The following NT5DC1 variants were observed in gnomAD, a reference collection of about 807,000 sequenced individuals.
The protein encoded by NT5DC1 is 5'-nucleotidase domain containing 1, also known as 5'-nucleotidase domain-containing protein 1.
In NT5DC1, 42 loss-of-function variants were observed where a neutral mutation model predicts 59.4. The ratio of observed to expected loss-of-function variants is 0.71; its 90% CI spans 0.55 to 0.92. NT5DC1 has a LOEUF of 0.92. Ranked by LOEUF, NT5DC1 falls within the 40% of genes least tolerant of loss-of-function variation. The pLI, the probability that NT5DC1 is intolerant of heterozygous loss-of-function variation, is 0.00. For synonymous variants in NT5DC1, 172 were observed against 188.1 expected (o/e 0.91, Z 0.70); for missense variants, 501 against 537.1 (o/e 0.93, Z 0.66).
At chr6:116,150,920 T>C (rs902045237) in intron 6 of NT5DC1, among the ~76,000 whole-genome samples, 1 of 152,222 alleles carries the variant, frequency 6.6e-6, no homozygotes, top group African/African-American at 2.4e-5. Context: ...TTAGGTACTA[T>C]GATTGACATT....
intron 6 of NT5DC1, among the ~76,000 whole-genome samples, chr6:116,201,539 G>A (rs894467394): frequency 6.6e-6 from 1 of 152,030 alleles, no homozygotes; most frequent in Non-Finnish European, 1.5e-5. Flanking sequence ...GAGAACTTCA[G>A]TGAGGTGAGC....
chr6:116,222,219 T>A (rs1005330437), intron 7 of NT5DC1, among the ~76,000 whole-genome samples: 5 of 152,216 alleles, frequency 3.3e-5, no homozygotes, highest in African/African-American at 1.2e-4. Context: ...AAGTCCTGGA[T>A]GTCTTAGAAG....
chr6:116,186,779 G>A (rs1263979680), intron 6 of NT5DC1, among the ~76,000 whole-genome samples: 14 of 151,668 alleles, frequency 9.2e-5, no homozygotes, highest in East Asian at 5.8e-4. Context: ...TTTTTCATTC[G>A]TATCCTGTAT....
chr6:116,204,855 GT>G (rs1469044495), intron 6 of NT5DC1, among the ~76,000 whole-genome samples: 1 of 151,980 alleles, frequency 6.6e-6, no homozygotes, highest in African/African-American at 2.4e-5. Flanking sequence ...GTAATTATTT[GT>G]TATAATTACA....
Position 116,190,312 on chromosome 6 carries a change from A to C in NT5DC1, c.530-30742A>C, listed in dbSNP as rs1781089385. ...TGAAATACTGTCTTTTTCCTTAAAA[A>C]ATGAGATTATTACCATATGATAAAA... On this transcript the variant is annotated intron_variant, in intron 6 of 11. Coordinates refer to ENST00000319550, the MANE Select transcript of NT5DC1 (RefSeq NM_152729.3). 2.6e-5 allele frequency among the ~76,000 whole-genome samples: 4 copies of C among 152,134 alleles called. No individual in the cohort carries two copies. The South Asian group carries it at 6.2e-4, about 24-fold the overall frequency.
intron 6 of NT5DC1, among the ~76,000 whole-genome samples, chr6:116,160,747 T>C (rs955148575): frequency 1.3e-5 from 2 of 152,228 alleles, no homozygotes; most frequent in Non-Finnish European, 2.9e-5. Context: ...ATAATATTTA[T>C]AGTTTGAGGT....
Position 116,248,052 on chromosome 6 carries a change from A to C in NT5DC1, c.*4028A>C, listed in dbSNP as rs994317892. The C allele has an allele frequency of 5.3e-5, 8 of 152,212 alleles. No homozygotes were observed. The highest frequency in any genetic ancestry group is 1.9e-4 in the African/African-American group (8 of 41,452). 9.4% of individuals were successfully genotyped at this position (152,212 alleles called of 1,614,324 possible). A position where few individuals can be genotyped will look rare whatever the true frequency, so the allele number is the denominator to read the frequency against. On this transcript the variant is annotated 3_prime_UTR_variant, in exon 12 of 12. Coordinates refer to ENST00000319550, the MANE Select transcript of NT5DC1 (RefSeq NM_152729.3). Reference sequence around the variant, plus strand: ...TCAAGTGATAAAATGTACCCTTCTCAAAGGCTATTCATGAATAAGCATAAC... The same window carrying C: ...TCAAGTGATAAAATGTACCCTTCTCCAAGGCTATTCATGAATAAGCATAAC...
chr6:116,110,351 A>C (rs1025624227), intron 3 of NT5DC1, among the ~76,000 whole-genome samples: 16 of 152,202 alleles, frequency 1.1e-4, no homozygotes, highest in Admixed American at 7.2e-4. Flanking sequence ...TTGAGTGGGC[A>C]GGTTGCTCCT....
intron 6 of NT5DC1, among the ~76,000 whole-genome samples, chr6:116,163,141 A>AATATATATATATATATATATATAT (rs1554197063): frequency 1.1e-5 from 1 of 88,388 alleles, no homozygotes; most frequent in Non-Finnish European, 2.0e-5. Context: ...AAAAAAAAAA[A>AATATATATATATATATATATATAT]ATATATATAT....
At position 116,137,764 on chromosome 6, in the gene NT5DC1, T is replaced by C. The variant is rs191173516; in HGVS notation, c.529+19819T>C. Reference sequence around the variant, plus strand: ...TTTATATGGAAAACCAGTTATCTTTTAGAGTTGTGAGAATCTATTAGAAAA... The same window carrying C: ...TTTATATGGAAAACCAGTTATCTTTCAGAGTTGTGAGAATCTATTAGAAAA... On this transcript the variant is annotated intron_variant, in intron 6 of 11. Coordinates refer to ENST00000319550, the MANE Select transcript of NT5DC1 (RefSeq NM_152729.3). 1.4e-4 allele frequency among the ~76,000 whole-genome samples: 21 copies of C among 152,302 alleles called. No homozygotes were observed. In the East Asian group the frequency reaches 2.3e-3, roughly 17 times the overall value.
At chr6:116,147,448 GA>G (rs556565182) in intron 6 of NT5DC1, among the ~76,000 whole-genome samples, 41 of 138,870 alleles carry the variant, frequency 3.0e-4, no homozygotes, top group African/African-American at 9.6e-4. Context: ...TCTCAAAAAA[GA>G]AAAAAAAAAT....
chr6:116,232,743 T>C (rs1179704874), intron 8 of NT5DC1, among the ~76,000 whole-genome samples: 2 of 152,310 alleles, frequency 1.3e-5, no homozygotes, highest in African/African-American at 4.8e-5. Context: ...ATCTACTTTG[T>C]AACTATTATA....
intron 11 of NT5DC1, among the ~76,000 whole-genome samples, chr6:116,242,100 A>G (rs1204821): frequency 0.43 from 64,606 of 151,790 alleles, 17,688 homozygotes; most frequent in African/African-American, 0.78. Flanking sequence ...AGGGCACGGT[A>G]GCTCAACGCC....
intron 6 of NT5DC1, among the ~76,000 whole-genome samples, chr6:116,130,816 G>A (rs1267378883): frequency 6.6e-6 from 1 of 151,890 alleles, no homozygotes; most frequent in Admixed American, 6.6e-5. Context: ...TTATTCATTT[G>A]TTTATTCCAT....
intron 8 of NT5DC1, among the ~76,000 whole-genome samples, chr6:116,224,073 A>G (rs1293284860): frequency 1.3e-5 from 2 of 152,366 alleles, no homozygotes; most frequent in Non-Finnish European, 2.9e-5. Context: ...TTGGCATTAT[A>G]TAACAACCTG....
In NT5DC1 at chr6:116,248,726, G is replaced by A. The variant is rs757205323; in HGVS notation, c.*4702G>A. On this transcript the variant is annotated 3_prime_UTR_variant, in exon 12 of 12. Transcript: ENST00000319550. ...TACTTCTTAGGTGACCAGAGGATGG[G>A]AGAACTTCTTAACTGGTTTGGAGGT... 6.6e-6 allele frequency: 1 copy of A among 152,258 alleles called. No homozygotes were observed. Among genetic ancestry groups the A allele is most frequent in the Non-Finnish European group, 1.5e-5 (1 of 68,078 alleles). 9.4% of individuals were successfully genotyped at this position (152,258 alleles called of 1,614,324 possible).
At chr6:116,187,748 G>T (rs1781033473) in intron 6 of NT5DC1, among the ~76,000 whole-genome samples, 1 of 152,016 alleles carries the variant, frequency 6.6e-6, no homozygotes, top group Non-Finnish European at 1.5e-5. Context: ...AGGCAAATCA[G>T]TAAAGCTATC....
intron 6 of NT5DC1, among the ~76,000 whole-genome samples, chr6:116,140,062 G>A (rs1779726719): frequency 6.6e-6 from 1 of 152,162 alleles, no homozygotes; most frequent in East Asian, 1.9e-4. Flanking sequence ...CCAAGGTGTT[G>A]AGGAATTCCA....
chr6:116,148,933 A>G (rs1307115713), intron 6 of NT5DC1, among the ~76,000 whole-genome samples: 1 of 152,218 alleles, frequency 6.6e-6, no homozygotes, highest in African/African-American at 2.4e-5. Context: ...GCTTATTCCA[A>G]GAAGCCAGTC....
Sources: gnomAD v4.1 joint callset for allele counts (sites outside exome capture counted in the v4.1 genomes callset) on GRCh38, gnomAD v4.1.1 for gene constraint, MANE v1.5 for transcripts, NCBI Gene and HGNC (gene_info 2026-07-23, HGNC 2026-07-21) for gene names.